The following ZMAT4 variants were observed in gnomAD, a reference collection of about 807,000 sequenced individuals.
The protein encoded by ZMAT4 is zinc finger matrin-type 4.
A neutral mutation model predicts 28.7 loss-of-function variants in ZMAT4; 17 were observed. That is an observed-to-expected ratio of 0.59 (90% CI 0.41 to 0.89). ZMAT4 has a LOEUF of 0.89. ZMAT4 is among the 40% of genes least tolerant of loss of function. ZMAT4 has a pLI of 0.00. For synonymous variants in ZMAT4, 117 were observed against 109.2 expected (o/e 1.07, Z -0.44); for missense variants, 240 against 283.8 (o/e 0.85, Z 1.11).
chr8:40,535,977 A>G (rs1802834396), intron 6 of ZMAT4, among the ~76,000 whole-genome samples: 1 of 152,156 alleles, frequency 6.6e-6, no homozygotes, highest in Non-Finnish European at 1.5e-5. Flanking sequence ...TTAGGAGAGG[A>G]GGAGTCATGT....
intron 6 of ZMAT4, among the ~76,000 whole-genome samples, chr8:40,547,279 T>G (rs1434618814): frequency 6.6e-6 from 1 of 152,158 alleles, no homozygotes; most frequent in African/African-American, 2.4e-5. Context: ...CGCTGTTTTG[T>G]TGATGGTGTT....
chr8:40,841,605 C>G (rs1175682267), intron 1 of ZMAT4, among the ~76,000 whole-genome samples: 2 of 152,220 alleles, frequency 1.3e-5, no homozygotes, highest in Non-Finnish European at 2.9e-5. Flanking sequence ...TCGTACACCC[C>G]TGCAATGCTG....
intron 6 of ZMAT4, among the ~76,000 whole-genome samples, chr8:40,573,071 G>C (rs1804149252): frequency 6.6e-6 from 1 of 152,120 alleles, no homozygotes; most frequent in Non-Finnish European, 1.5e-5. Context: ...AGATATGTTA[G>C]TACTTTCAGA....
In ZMAT4 at chr8:40,691,365, G is replaced by T. The variant is rs1189543036; in HGVS notation, c.349+5880C>A. On this transcript the variant is annotated intron_variant, in intron 4 of 6. Transcript: ENST00000297737. Reference sequence around the variant, plus strand: ...TTAAATGGCAAAGTCACCAACAAAAGACACAAAATGTGCAAAACACGTGAC... The same window carrying T: ...TTAAATGGCAAAGTCACCAACAAAATACACAAAATGTGCAAAACACGTGAC... Among the ~76,000 whole-genome samples the T allele has an allele frequency of 3.5e-5, 5 of 141,460 alleles. No individual in the cohort carries two copies. The East Asian group carries it at 1.0e-3, about 29-fold the overall frequency. The allele number at this position is 141,460 out of a possible 152,430, so 92.8% of individuals were successfully genotyped here.
intron 1 of ZMAT4, among the ~76,000 whole-genome samples, chr8:40,881,528 CAGA>C (rs1818247566): frequency 1.9e-5 from 1 of 51,916 alleles, no homozygotes; most frequent in African/African-American, 7.9e-5. Context: ...GAGAGAGAGA[CAGA>C]AAGAAAGAAA....
intron 5 of ZMAT4, among the ~76,000 whole-genome samples, chr8:40,625,153 T>C (rs71518162): frequency 0.22 from 32,750 of 151,938 alleles, 3,663 homozygotes; most frequent in Middle Eastern, 0.27. Context: ...CCCAAGGCTC[T>C]GAAAGAGAAC....
At position 40,757,313 on chromosome 8, in the gene ZMAT4, G is replaced by C. The variant is rs6986215; in HGVS notation, c.192+10328C>G. 5.4e-3 allele frequency among the ~76,000 whole-genome samples: 827 copies of C among 152,194 alleles called. 4 individuals carry two copies. The highest frequency in any genetic ancestry group is 0.019 in the African/African-American group (794 of 41,502). ...TACAAGTAAAGTTCAATGAGTAGGC[G>C]AATCTGCTCATATGGAATCCACAAA... is the stretch of plus-strand genomic sequence containing the variant. On this transcript the variant is annotated intron_variant, in intron 3 of 6. Transcript: ENST00000297737.
At chr8:40,690,901 G>A (rs896802555) in intron 4 of ZMAT4, 1 of 984,416 alleles carries the variant, frequency 1.0e-6, no homozygotes, top group East Asian at 1.1e-4. Flanking sequence ...TGCAATGAAT[G>A]AGATCATTGC....
chr8:40,728,137 A>G (rs1168777567), intron 3 of ZMAT4, among the ~76,000 whole-genome samples: 4 of 152,202 alleles, frequency 2.6e-5, no homozygotes, highest in Non-Finnish European at 5.9e-5. Context: ...GAAACACACG[A>G]AATTATAAAA....
chr8:40,691,770 T>C (rs1205140733), intron 4 of ZMAT4, among the ~76,000 whole-genome samples: 1 of 152,208 alleles, frequency 6.6e-6, no homozygotes, highest in African/African-American at 2.4e-5. Flanking sequence ...TGTAATGTGT[T>C]TCCGTCACTT....
rs367676607 is a variant in ZMAT4 at position 40,674,924 on chromosome 8, G to T, written c.357C>A (p.Pro119=). ...EKTPLKTTAT[P]LSPLKPPRMD... is the part of the protein sequence containing the mutation. ...TCCGTGGGGGCTTAAGTGGGCTCAG[G>T]GGTGTTGCTGTGAAAGGAAACAACC... The change falls in exon 5 of 7, where the codon CCC becomes CCA. Residue 119 remains proline (P), a synonymous_variant. Coordinates refer to ENST00000297737, the MANE Select transcript of ZMAT4 (RefSeq NM_024645.3). 5 of 1,611,914 alleles carry T rather than the reference G, an allele frequency of 3.1e-6. No individual in the cohort carries two copies. The highest frequency in any genetic ancestry group is 4.2e-6 in the Non-Finnish European group (5 of 1,179,374).
intron 5 of ZMAT4, among the ~76,000 whole-genome samples, chr8:40,592,414 G>A (rs539388593): frequency 6.6e-6 from 1 of 152,282 alleles, no homozygotes; most frequent in East Asian, 1.9e-4. Context: ...ATGTTTAAAT[G>A]TTTAGCCTTC....
chr8:40,571,354 TAG>T (rs1401041522), intron 6 of ZMAT4, among the ~76,000 whole-genome samples: 2 of 152,150 alleles, frequency 1.3e-5, no homozygotes, highest in Non-Finnish European at 2.9e-5. Flanking sequence ...GCTGTAGATA[TAG>T]AGATACATAT....
At chr8:40,659,555 C>T (rs1302155408) in intron 5 of ZMAT4, among the ~76,000 whole-genome samples, 2 of 152,058 alleles carry the variant, frequency 1.3e-5, no homozygotes, top group Non-Finnish European at 2.9e-5. Flanking sequence ...TTTGTGGTCC[C>T]AGGGTAGGGT....
intron 1 of ZMAT4, among the ~76,000 whole-genome samples, chr8:40,881,331 GT>G (rs1818213581): frequency 6.6e-6 from 1 of 151,070 alleles, no homozygotes; most frequent in Non-Finnish European, 1.5e-5. Flanking sequence ...AGAGGTTTCA[GT>G]GAGCTGTGAG....
intron 5 of ZMAT4, among the ~76,000 whole-genome samples, chr8:40,650,741 C>T (rs1315950282): frequency 7.2e-6 from 1 of 138,664 alleles, no homozygotes; most frequent in Non-Finnish European, 1.6e-5. Flanking sequence ...ATCAAGTGGG[C>T]TTCATCCCTG....
chr8:40,701,510 T>C (rs930338015), intron 3 of ZMAT4, among the ~76,000 whole-genome samples: 36 of 89,942 alleles, frequency 4.0e-4, no homozygotes, highest in African/African-American at 2.0e-3. Flanking sequence ...TGCAGAATTT[T>C]TTTTTTTTTT....
intron 4 of ZMAT4, among the ~76,000 whole-genome samples, chr8:40,685,121 TG>T (rs1300946686): frequency 1.2e-5 from 1 of 86,770 alleles, no homozygotes; most frequent in African/African-American, 4.2e-5. Flanking sequence ...AACTGCCATT[TG>T]GGAACTGCTG....
chr8:40,770,593 G>A (rs551793785), intron 2 of ZMAT4, among the ~76,000 whole-genome samples: 17 of 138,098 alleles, frequency 1.2e-4, no homozygotes, highest in African/African-American at 4.3e-4. Flanking sequence ...TGTCGCCCAG[G>A]CTGGAGTGCA....
Sources: allele counts gnomAD v4.1 joint callset (sites outside exome capture counted in the v4.1 genomes callset), GRCh38; gene constraint gnomAD v4.1.1; transcripts MANE v1.5; gene names NCBI Gene and HGNC (gene_info 2026-07-23, HGNC 2026-07-21).